NLRP7: variants seen among roughly 807,000 people sequenced by gnomAD.
The protein encoded by NLRP7 is NLR family pyrin domain containing 7.
NLRP7 carries 72 observed loss-of-function variants against 85.5 expected under a neutral mutation model. The observed-to-expected ratio is 0.84, with a 90% confidence interval of 0.70 to 1.02. The LOEUF (loss-of-function observed/expected upper bound fraction) is 1.02. Ranked by LOEUF, NLRP7 falls within the 50% of genes least tolerant of loss-of-function variation. NLRP7 has a pLI of 0.00. For synonymous variants in NLRP7, 550 were observed against 505.2 expected (o/e 1.09, Z -1.19); for missense variants, 1,243 against 1,219.5 (o/e 1.02, Z -0.29).
At chr19:54,926,331 T>C (rs2068439601) in intron 9 of NLRP7, among the ~76,000 whole-genome samples, 1 of 152,114 alleles carries the variant, frequency 6.6e-6, no homozygotes, top group Non-Finnish European at 1.5e-5. Context: ...TTGGACAATA[T>C]TCAATTCACA....
At position 54,960,375 on chromosome 19, in the gene NLRP7, C is replaced by T. The variant is rs905349204; in HGVS notation, c.-77+5665G>A. ...TTCACCATGTTGGCCAGGCTAGTCT[C>T]GAGCTCCTGACCTCAAGTGATCCAC... is the stretch of plus-strand genomic sequence containing the variant. On this transcript the variant is annotated intron_variant, in intron 1 of 2. Transcript: ENST00000587103. Among the ~76,000 whole-genome samples the T allele has an allele frequency of 1.3e-5, 2 of 151,600 alleles. 1 individual carries two copies. Among genetic ancestry groups the T allele is most frequent in the Non-Finnish European group, 2.9e-5 (2 of 67,872 alleles).
upstream of NLRP7, among the ~76,000 whole-genome samples, chr19:54,950,009 T>C (rs567258688): frequency 2.0e-5 from 3 of 151,406 alleles, no homozygotes; most frequent in South Asian, 2.1e-4. Context: ...GGCTGAGGCA[T>C]GAGAATCACT....
At chr19:54,945,238 CAAAAAA>C (rs75770706) in intron 1 of NLRP7, among the ~76,000 whole-genome samples, 1 of 69,696 alleles carries the variant, frequency 1.4e-5, no homozygotes. Flanking sequence ...GACTCCCTCT[CAAAAAA>C]AAAAAAAAAA....
chr19:54,941,869 G>A (rs1460891195), intron 1 of NLRP7, 119 bp from the exon 2 acceptor site: 3 of 808,964 alleles, frequency 3.7e-6, no homozygotes, highest in East Asian at 2.7e-5. Context: ...ATATTCCAAA[G>A]ACTGAATTAA....
In NLRP7 at chr19:54,938,777, C is replaced by G. The variant is rs1332978565; in HGVS notation, c.1931+111G>C. On this transcript the variant is annotated intron_variant, in intron 4 of 9. Coordinates refer to ENST00000340844, the Ensembl canonical transcript of NLRP7. ...TGCCAAGTCGTGTCTCCACGTTGAA[C>G]ATGAAGCTGGAAAGAAGTCCAGCCA... 18 of 1,203,774 alleles carry G rather than the reference C, an allele frequency of 1.5e-5. No homozygotes were observed. In the Admixed American group the frequency reaches 2.9e-4, roughly 19 times the overall value. 74.6% of individuals were successfully genotyped at this position (1,203,774 alleles called of 1,614,324 possible).
intron 1 of NLRP7, among the ~76,000 whole-genome samples, chr19:54,961,004 AGT>A (rs2146286903): frequency 6.6e-6 from 1 of 152,176 alleles, no homozygotes; most frequent in African/African-American, 2.4e-5. Flanking sequence ...GCTAGAACTG[AGT>A]GGTGGTGAAA....
At chr19:54,954,260 G>GC (rs534752310) in intron 1 of NLRP7, among the ~76,000 whole-genome samples, 1 of 147,644 alleles carries the variant, frequency 6.8e-6, no homozygotes, top group Non-Finnish European at 1.5e-5. Context: ...GGGCGCGGTG[G>GC]TCACGCCTGT....
chr19:54,937,900 CAAAAAAAAA>C (rs59058059), intron 5 of NLRP7, 135 bp downstream of exon 5: 6 of 516,818 alleles, frequency 1.2e-5, no homozygotes, highest in Non-Finnish European at 2.0e-5. Context: ...TCCGTCTCAC[CAAAAAAAAA>C]AAAAAAAAAA....
At chr19:54,960,449 C>A (rs1336027266) in intron 1 of NLRP7, among the ~76,000 whole-genome samples, 2 of 151,832 alleles carry the variant, frequency 1.3e-5, no homozygotes, top group Non-Finnish European at 2.9e-5. Flanking sequence ...AGCCACCGCG[C>A]TCAACCAGAA....
intron 1 of NLRP7, among the ~76,000 whole-genome samples, chr19:54,943,397 C>G (rs1056140426): frequency 5.3e-5 from 8 of 151,992 alleles, no homozygotes; most frequent in African/African-American, 9.7e-5. Context: ...GTCAGGAGAT[C>G]GAGACCATCC....
At position 54,936,510 on chromosome 19, in the gene NLRP7, T is replaced by C. The variant is rs2068936103; in HGVS notation, c.2130-79A>G. On this transcript the variant is annotated intron_variant, in intron 5 of 9. Transcript: ENST00000340844. ...GGAGGCATGTATAAACAAAAAGCTGTTTCACATTTAGAAATTATTAGAAGT... is the reference window on the plus strand; with the variant it reads ...GGAGGCATGTATAAACAAAAAGCTGCTTCACATTTAGAAATTATTAGAAGT... 10 of 1,263,840 alleles carry C rather than the reference T, an allele frequency of 7.9e-6. No homozygotes were observed. In the South Asian group the frequency reaches 1.2e-4, roughly 15 times the overall value. 78.3% of individuals were successfully genotyped at this position (1,263,840 alleles called of 1,614,324 possible).
chr19:54,939,373 C>T, exon 4 of NLRP7: 1 of 1,614,180 alleles, frequency 6.2e-7, no homozygotes, highest in Admixed American at 1.7e-5. Context: ...CCTCCTTCTC[C>T]AGGGCGTAGA....
At chr19:54,952,385 G>C (rs138391227), upstream of NLRP7, among the ~76,000 whole-genome samples, 3,875 of 152,086 alleles carry the variant, frequency 0.025, 177 homozygotes, top group African/African-American at 0.088. Flanking sequence ...CTGAGGTCAA[G>C]AGTTCAAGAC....
intron 1 of NLRP7, among the ~76,000 whole-genome samples, chr19:54,957,944 GGT>G (rs913080436): frequency 1.3e-5 from 2 of 152,016 alleles, no homozygotes; most frequent in Non-Finnish European, 2.9e-5. Context: ...GGCCGGGCAC[GGT>G]GTCTCACGCC....
upstream of NLRP7, among the ~76,000 whole-genome samples, chr19:54,950,840 G>A (rs1047431283): frequency 6.6e-6 from 1 of 152,148 alleles, no homozygotes; most frequent in African/African-American, 2.4e-5. Context: ...TACTGGTGTC[G>A]GGCTGAGGGA....
chr19:54,940,325 GT>G lies in NLRP7; in HGVS notation c.493del (p.Thr165HisfsTer5). The G allele has an allele frequency of 1.2e-5, 20 of 1,614,228 alleles. No individual in the cohort carries two copies. The highest frequency in any genetic ancestry group is 1.7e-5 in the Non-Finnish European group (20 of 1,180,032). On this transcript the variant is annotated frameshift_variant, in exon 4 of 10. Transcript: ENST00000340844. LOFTEE classifies it high-confidence loss of function. ...CGTGTAAGGTGTTAGCTTCCTGGGT[GT>G]TCTGGGATTCAAGAATGGAATGAAC...
At chr19:54,933,512 C>G in intron 8 of NLRP7, 57 bp downstream of exon 8, 2 of 1,590,160 alleles carry the variant, frequency 1.3e-6, no homozygotes, top group Admixed American at 3.3e-5. Flanking sequence ...CAAGTACTTT[C>G]ATGTCTCTCC....
intron 1 of NLRP7, among the ~76,000 whole-genome samples, chr19:54,960,696 C>T (rs987021022): frequency 2.0e-5 from 3 of 151,988 alleles, no homozygotes; most frequent in South Asian, 2.1e-4. Flanking sequence ...CCCGGATTCA[C>T]GCCATTCTCC....
exon 4 of NLRP7, chr19:54,940,141 C>T (rs1272931981): frequency 6.2e-7 from 1 of 1,614,190 alleles, no homozygotes; most frequent in South Asian, 1.1e-5. Context: ...CTTTGGAGAT[C>T]AGCTCTGCAA....
Sources: gnomAD v4.1 joint callset for allele counts (sites outside exome capture counted in the v4.1 genomes callset) on GRCh38, gnomAD v4.1.1 for gene constraint, MANE v1.5 for transcripts, NCBI Gene and HGNC (gene_info 2026-07-23, HGNC 2026-07-21) for gene names.